The following PDZD2 variants were observed in gnomAD, a reference collection of about 807,000 sequenced individuals.
PDZD2 encodes the protein PDZ domain-containing protein 2.
In PDZD2, 90 loss-of-function variants were observed where a neutral mutation model predicts 220.7. The observed-to-expected ratio is 0.41, with a 90% confidence interval of 0.34 to 0.49. The LOEUF (loss-of-function observed/expected upper bound fraction) is 0.49, where lower values mean the gene tolerates loss of function less well. Ranked by LOEUF, PDZD2 falls within the 20% of genes least tolerant of loss-of-function variation. PDZD2 has a pLI of 0.28. For missense variants in PDZD2, 3,174 were observed against 3,608.5 expected, an observed-to-expected ratio of 0.88 and a Z score of 3.08; for synonymous variants, 1,375 against 1,450.5, an observed-to-expected ratio of 0.95 and a Z score of 1.18.
intron 2 of PDZD2, among the ~76,000 whole-genome samples, chr5:31,804,185 CGT>C (rs1230295377): frequency 6.6e-6 from 1 of 151,976 alleles, no homozygotes; most frequent in African/African-American, 2.4e-5. Flanking sequence ...TTGAAGCAGC[CGT>C]GTGTGTGCTA....
chr5:32,022,486 T>C (rs573962522), intron 6 of PDZD2, among the ~76,000 whole-genome samples: 64 of 151,778 alleles, frequency 4.2e-4, no homozygotes, highest in African/African-American at 1.5e-3. Flanking sequence ...GGATTATAGG[T>C]ATGAGCCCCC....
chr5:32,072,020 G>C (rs1376168900), intron 16 of PDZD2, 141 bp from the exon 17 acceptor site: 1 of 596,936 alleles, frequency 1.7e-6, no homozygotes, highest in African/African-American at 1.8e-5. Flanking sequence ...GAGGTACATG[G>C]AGGTTGGTGT....
intron 5 of PDZD2, among the ~76,000 whole-genome samples, chr5:32,001,547 T>C (rs1752105396): frequency 6.6e-6 from 1 of 152,136 alleles, no homozygotes; most frequent in Non-Finnish European, 1.5e-5. Flanking sequence ...GTCCCCTGTC[T>C]CCCTGCCGCC....
intron 2 of PDZD2, among the ~76,000 whole-genome samples, chr5:31,964,685 T>C (rs1044104265): frequency 6.6e-6 from 1 of 152,234 alleles, no homozygotes; most frequent in Admixed American, 6.5e-5. Flanking sequence ...AATATTTGGT[T>C]GGTACAAAAC....
Position 31,821,391 on chromosome 5 carries a change from T to TATTATTATTA in PDZD2, c.476+21667_476+21668insATTATTATTA, listed in dbSNP as rs200302561. ...GAGGTTTGAGTTATTATTATTATTT[T>TATTATTATTA]TTTTTTTTGAGATGGAGTCTCACTC... On this transcript the variant is annotated intron_variant, in intron 2 of 24. Coordinates refer to ENST00000438447, the MANE Select transcript of PDZD2 (RefSeq NM_178140.4). Among the ~76,000 whole-genome samples, 501 of 148,078 alleles carry TATTATTATTA rather than the reference T, an allele frequency of 3.4e-3. 3 individuals carry two copies. The highest frequency in any genetic ancestry group is 0.012 in the African/African-American group (467 of 38,088).
chr5:32,029,430 C>T (rs1239608699), intron 6 of PDZD2, among the ~76,000 whole-genome samples: 1 of 143,564 alleles, frequency 7.0e-6, no homozygotes, highest in African/African-American at 2.5e-5. Context: ...CTTTTTATTA[C>T]TCATGGCACA....
chr5:31,869,545 C>G (rs10472789), intron 2 of PDZD2, among the ~76,000 whole-genome samples: 111,438 of 151,534 alleles, frequency 0.74, 41,608 homozygotes, highest in Non-Finnish European at 0.82. Flanking sequence ...GCCTGGGCGA[C>G]AGAGCGAGAC....
At chr5:31,737,317 C>CAT (rs1561419233) in intron 1 of PDZD2, among the ~76,000 whole-genome samples, 16 of 151,438 alleles carry the variant, frequency 1.1e-4, no homozygotes, top group Non-Finnish European at 4.4e-5. Context: ...GGACTACAGG[C>CAT]GCCCACCACC....
intron 1 of PDZD2, among the ~76,000 whole-genome samples, chr5:31,688,072 A>G (rs950331873): frequency 2.0e-5 from 3 of 152,198 alleles, no homozygotes; most frequent in Admixed American, 6.5e-5. Flanking sequence ...AGCAGTATAT[A>G]TACTGTGTTA....
At chr5:32,008,408 G>A (rs1753024528) in intron 5 of PDZD2, among the ~76,000 whole-genome samples, 1 of 151,318 alleles carries the variant, frequency 6.6e-6, no homozygotes, top group Non-Finnish European at 1.5e-5. Context: ...AGTCCCCCAA[G>A]TAGCTGGGAT....
At chr5:31,925,621 G>C (rs568476727) in intron 2 of PDZD2, among the ~76,000 whole-genome samples, 11 of 152,116 alleles carry the variant, frequency 7.2e-5, no homozygotes, top group Non-Finnish European at 1.2e-4. Flanking sequence ...TAAGACCTAA[G>C]TAAAGAGCTT....
intron 2 of PDZD2, among the ~76,000 whole-genome samples, chr5:31,810,628 T>C (rs1169831925): frequency 6.6e-6 from 1 of 152,186 alleles, no homozygotes; most frequent in East Asian, 1.9e-4. Context: ...CTTTCTTAGT[T>C]ACTGTGGAAG....
intron 1 of PDZD2, among the ~76,000 whole-genome samples, chr5:31,642,888 G>A (rs1430291241): frequency 1.3e-5 from 2 of 152,192 alleles, no homozygotes; most frequent in Non-Finnish European, 2.9e-5. Flanking sequence ...CCTGCCAGGG[G>A]AAGCAAACCC....
At chr5:32,102,064 A>G (rs1744298775) in intron 24 of PDZD2, among the ~76,000 whole-genome samples, 1 of 152,160 alleles carries the variant, frequency 6.6e-6, no homozygotes, top group South Asian at 2.1e-4. Flanking sequence ...CTACAATTGC[A>G]TAGTAATCCC....
At chr5:32,019,068 C>A (rs1465129844) in intron 6 of PDZD2, among the ~76,000 whole-genome samples, 1 of 151,838 alleles carries the variant, frequency 6.6e-6, no homozygotes, top group Non-Finnish European at 1.5e-5. Flanking sequence ...GGCTACCTGG[C>A]CTTGCTGCAT....
intron 2 of PDZD2, among the ~76,000 whole-genome samples, chr5:31,804,835 A>T (rs1206517743): frequency 6.6e-6 from 1 of 152,208 alleles, no homozygotes; most frequent in Non-Finnish European, 1.5e-5. Flanking sequence ...TGAAGAACAA[A>T]CTATAAGGTT....
At chr5:31,854,404 T>C (rs1394905429) in intron 2 of PDZD2, among the ~76,000 whole-genome samples, 1 of 152,182 alleles carries the variant, frequency 6.6e-6, no homozygotes, top group Non-Finnish European at 1.5e-5. Flanking sequence ...TCACCGGCGA[T>C]TGTAATTCAG....
intron 1 of PDZD2, among the ~76,000 whole-genome samples, chr5:31,746,543 C>T (rs748352454): frequency 1.3e-5 from 2 of 152,106 alleles, no homozygotes; most frequent in East Asian, 1.9e-4. Context: ...ACAAAGGGCA[C>T]GGTGACCAGT....
intron 2 of PDZD2, among the ~76,000 whole-genome samples, chr5:31,951,425 C>T (rs1747174707): frequency 6.6e-6 from 1 of 152,134 alleles, no homozygotes; most frequent in Non-Finnish European, 1.5e-5. Context: ...AATCTCATGG[C>T]CTAATGACCT....
Sources: gnomAD v4.1 joint callset for allele counts (sites outside exome capture counted in the v4.1 genomes callset) on GRCh38, gnomAD v4.1.1 for gene constraint, MANE v1.5 for transcripts, NCBI Gene and HGNC (gene_info 2026-07-23, HGNC 2026-07-21) for gene names.